The following ADAMTSL1 variants were observed in gnomAD, a reference collection of about 807,000 sequenced individuals.
ADAMTSL1 encodes ADAMTS-like protein 1.
A neutral mutation model predicts 201.8 loss-of-function variants in ADAMTSL1; 126 were observed. The observed-to-expected ratio is 0.62, with a 90% CI of 0.54 to 0.72. The LOEUF (loss-of-function observed/expected upper bound fraction) is 0.72, where lower values mean the gene tolerates loss of function less well. Among genes scored for constraint, ADAMTSL1 ranks in the 30% least tolerant of loss-of-function variants. The pLI is 0.00. For missense variants in ADAMTSL1, 2,679 were observed against 2,277.8 expected (o/e 1.18, Z -3.59); for synonymous variants, 1,121 against 903.4 (o/e 1.24, Z -4.32).
At chr9:18,881,053 A>T (rs2131508234) in intron 23 of ADAMTSL1, among the ~76,000 whole-genome samples, 1 of 152,322 alleles carries the variant, frequency 6.6e-6, no homozygotes, top group Non-Finnish European at 1.5e-5. Flanking sequence ...CATAGAATTG[A>T]AGAGAGGTAG....
intron 1 of ADAMTSL1, among the ~76,000 whole-genome samples, chr9:17,984,998 C>T (rs1015324082): frequency 6.6e-6 from 1 of 152,096 alleles, no homozygotes; most frequent in Non-Finnish European, 1.5e-5. Flanking sequence ...TTTGTGAGAG[C>T]AGAATAGTGC....
chr9:18,146,121 T>C (rs1373117936), intron 1 of ADAMTSL1, among the ~76,000 whole-genome samples: 3 of 152,180 alleles, frequency 2.0e-5, no homozygotes, highest in African/African-American at 7.2e-5. Flanking sequence ...TCTCATTCAT[T>C]GCTAGTGGGA....
intron 23 of ADAMTSL1, among the ~76,000 whole-genome samples, chr9:18,886,710 C>T (rs1225628174): frequency 2.0e-5 from 3 of 152,186 alleles, no homozygotes; most frequent in Non-Finnish European, 2.9e-5. Flanking sequence ...TAATCTCATT[C>T]GTGAGGACAG....
chr9:18,412,217 A>G lies in ADAMTSL1; in HGVS notation c.208-92612A>G, dbSNP rs185053746. Among the ~76,000 whole-genome samples the G allele has an allele frequency of 2.6e-5, 4 of 152,302 alleles. 1 individual carries two copies. The South Asian group carries it at 6.2e-4, about 24-fold the overall frequency. On this transcript the variant is annotated intron_variant, in intron 2 of 29. Coordinates refer to the ADAMTSL1 transcript ENST00000680146. ...TTTAGGTTCCGTTTTTCCGGCAAGA[A>G]CACTTCATAAGTGGAACTGTGCTTT...
intron 2 of ADAMTSL1, among the ~76,000 whole-genome samples, chr9:18,438,827 T>C (rs1189602006): frequency 1.3e-5 from 2 of 151,868 alleles, no homozygotes; most frequent in Non-Finnish European, 1.5e-5. Context: ...ATTCTGAAAA[T>C]GGAGAGGCTC....
At chr9:18,678,452 T>G (rs1435588468) in intron 10 of ADAMTSL1, among the ~76,000 whole-genome samples, 1 of 152,172 alleles carries the variant, frequency 6.6e-6, no homozygotes, top group African/African-American at 2.4e-5. Context: ...TTTCTACGCA[T>G]AGAACTGTAG....
intron 1 of ADAMTSL1, among the ~76,000 whole-genome samples, chr9:18,007,714 G>T (rs554537780): frequency 6.6e-6 from 1 of 151,918 alleles, no homozygotes; most frequent in Non-Finnish European, 1.5e-5. Context: ...GGGGGAAGCA[G>T]AGAAGAGTAT....
chr9:17,940,575 C>G (rs1171329324), intron 1 of ADAMTSL1, among the ~76,000 whole-genome samples: 5 of 151,812 alleles, frequency 3.3e-5, no homozygotes, highest in Non-Finnish European at 7.4e-5. Flanking sequence ...AGGAGGCATC[C>G]AAGTAAAGCT....
At chr9:18,093,820 T>C (rs1824127835) in intron 1 of ADAMTSL1, among the ~76,000 whole-genome samples, 1 of 152,046 alleles carries the variant, frequency 6.6e-6, no homozygotes, top group Admixed American at 6.6e-5. Flanking sequence ...GGAAAGCTGG[T>C]GTTTGAACCA....
intron 2 of ADAMTSL1, among the ~76,000 whole-genome samples, chr9:18,231,055 C>T (rs1432563263): frequency 6.6e-6 from 1 of 152,154 alleles, no homozygotes; most frequent in African/African-American, 2.4e-5. Flanking sequence ...CGTAGCTTTT[C>T]TCATACTGGA....
chr9:18,718,585 G>A (rs1477670675), intron 14 of ADAMTSL1: 1 of 424,212 alleles, frequency 2.4e-6, no homozygotes, highest in African/African-American at 2.0e-5. Flanking sequence ...CCCGCAGCCA[G>A]TGTCACTCCC....
At chr9:18,291,538 C>A (rs1363646606) in intron 2 of ADAMTSL1, among the ~76,000 whole-genome samples, 1 of 152,086 alleles carries the variant, frequency 6.6e-6, no homozygotes, top group Non-Finnish European at 1.5e-5. Flanking sequence ...GGTGATTGAA[C>A]CATTTCGTGC....
intron 5 of ADAMTSL1, among the ~76,000 whole-genome samples, chr9:18,626,477 C>T (rs916007680): frequency 1.3e-5 from 2 of 152,158 alleles, no homozygotes; most frequent in Admixed American, 6.5e-5. Context: ...GTGGTATTTG[C>T]ATTCGGGATA....
rs550965708 is a variant in ADAMTSL1, at chr9:18,096,374, A to G, written c.88-67488A>G. ...TCTTACCAGCAATTTTTATTTCAAC[A>G]TTTCTTTAGACCAACATTGTCTAAT... On this transcript the variant is annotated intron_variant, in intron 1 of 29. Transcript: ENST00000680146. Among the ~76,000 whole-genome samples the G allele has an allele frequency of 6.4e-4, 98 of 152,312 alleles. 1 individual carries two copies. The highest frequency in any genetic ancestry group is 2.3e-3 in the African/African-American group (97 of 41,570).
At chr9:18,367,406 A>G (rs1471146666) in intron 2 of ADAMTSL1, among the ~76,000 whole-genome samples, 3 of 151,900 alleles carry the variant, frequency 2.0e-5, no homozygotes, top group African/African-American at 7.3e-5. Flanking sequence ...ATTTCATGAC[A>G]TAATGGAAAG....
In ADAMTSL1 at chr9:18,183,103, A is replaced by G. The variant is rs186010860; in HGVS notation, c.207+19122A>G. Among the ~76,000 whole-genome samples, 237 of 152,310 alleles carry G rather than the reference A, an allele frequency of 1.6e-3. 1 individual carries two copies. Among genetic ancestry groups the G allele is most frequent in the African/African-American group, 4.9e-3 (203 of 41,570 alleles). On this transcript the variant is annotated intron_variant, in intron 2 of 29. Coordinates refer to the ADAMTSL1 transcript ENST00000680146. ...AAGTGTCCTCCCCAACTGATCTTTGATAAAGGAGCAAACGCAACACAGTGA... is the reference window on the plus strand; with the variant it reads ...AAGTGTCCTCCCCAACTGATCTTTGGTAAAGGAGCAAACGCAACACAGTGA...
chr9:18,209,279 T>C (rs551352832), intron 2 of ADAMTSL1, among the ~76,000 whole-genome samples: 1 of 152,194 alleles, frequency 6.6e-6, no homozygotes, highest in Non-Finnish European at 1.5e-5. Context: ...AAGAACCCAT[T>C]TGGGTTTATT....
chr9:18,715,235 C>T (rs1832852527), intron 14 of ADAMTSL1, among the ~76,000 whole-genome samples: 1 of 149,766 alleles, frequency 6.7e-6, no homozygotes, highest in Non-Finnish European at 1.5e-5. Context: ...AAGTTCTGGC[C>T]AGGGCAATTA....
intron 1 of ADAMTSL1, among the ~76,000 whole-genome samples, chr9:17,924,688 T>C (rs1391670027): frequency 1.3e-5 from 2 of 149,054 alleles, no homozygotes; most frequent in African/African-American, 5.0e-5. Context: ...CCTTACACCT[T>C]ATACAAAAAT....
Sources: allele counts gnomAD v4.1 joint callset (sites outside exome capture counted in the v4.1 genomes callset), GRCh38; gene constraint gnomAD v4.1.1; transcripts MANE v1.5; gene names NCBI Gene and HGNC (gene_info 2026-07-23, HGNC 2026-07-21).